The following GABRA4 variants were observed in gnomAD, a reference collection of about 807,000 sequenced individuals.
GABRA4 encodes gamma-aminobutyric acid type A receptor subunit alpha4, also known as gamma-aminobutyric acid receptor subunit alpha-4.
A neutral mutation model predicts 49.7 loss-of-function variants in GABRA4; 12 were observed. The observed-to-expected ratio is 0.24, with a 90% CI of 0.15 to 0.39. The LOEUF (loss-of-function observed/expected upper bound fraction) is 0.39. Among genes scored for constraint, GABRA4 ranks in the 10% least tolerant of loss-of-function variants. The pLI is 1.00. For synonymous variants in GABRA4, 288 were observed against 240.2 expected, an observed-to-expected ratio of 1.20 and a Z score of -1.84; for missense variants, 506 against 686.0, an observed-to-expected ratio of 0.74 and a Z score of 2.93.
rs903061909 is a variant in GABRA4, at chr4:46,921,268, G to A, written c.*6957C>T. 8 of 151,612 alleles carry A rather than the reference G, an allele frequency of 5.3e-5. No individual in the cohort carries two copies. Among genetic ancestry groups the A allele is most frequent in the African/African-American group, 1.9e-4 (8 of 41,340 alleles). 9.4% of individuals were successfully genotyped at this position (151,612 alleles called of 1,614,324 possible). ...TTTATACTTATAATTAAAGGAATAA[G>A]TACTTCACTAATCTACTGATGAATT... On this transcript the variant is annotated 3_prime_UTR_variant, in exon 9 of 9. Transcript: ENST00000264318.
At chr4:46,948,644 C>A (rs978166491) in intron 8 of GABRA4, among the ~76,000 whole-genome samples, 1 of 152,130 alleles carries the variant, frequency 6.6e-6, no homozygotes, top group African/African-American at 2.4e-5. Context: ...TTACCTCAAA[C>A]AACAGCAGGG....
rs903614340 is a variant in GABRA4, at chr4:46,923,757, A to G, written c.*4468T>C. On this transcript the variant is annotated 3_prime_UTR_variant, in exon 9 of 9. Transcript: ENST00000264318. Reference sequence around the variant, plus strand: ...TTAGTTTTCATCGTATTATTCTTCAAGATTTTTAATAAATTGCCACTAATC... The same window carrying G: ...TTAGTTTTCATCGTATTATTCTTCAGGATTTTTAATAAATTGCCACTAATC... 2.6e-5 allele frequency: 4 copies of G among 152,124 alleles called. No homozygotes were observed. The highest frequency in any genetic ancestry group is 5.9e-5 in the Non-Finnish European group (4 of 68,010). The allele number at this position is 152,124 out of a possible 1,614,324, so 9.4% of individuals were successfully genotyped here. A position where few individuals can be genotyped will look rare whatever the true frequency, so the allele number is the denominator to read the frequency against.
intron 8 of GABRA4, among the ~76,000 whole-genome samples, chr4:46,957,429 T>C (rs1455116323): frequency 3.3e-5 from 5 of 151,896 alleles, no homozygotes; most frequent in Non-Finnish European, 2.9e-5. Context: ...AATTGAAAAG[T>C]CTGGGAAGAC....
chr4:46,972,753 G>C (rs1007372554), intron 6 of GABRA4, among the ~76,000 whole-genome samples: 8 of 151,518 alleles, frequency 5.3e-5, no homozygotes, highest in Non-Finnish European at 1.2e-4. Context: ...ATACCTCGCT[G>C]TTTCCTCCTC....
At chr4:46,971,981 T>C (rs916516205) in intron 6 of GABRA4, among the ~76,000 whole-genome samples, 3 of 151,588 alleles carry the variant, frequency 2.0e-5, no homozygotes, top group Non-Finnish European at 3.0e-5. Flanking sequence ...CTGTTACCTC[T>C]GAAAAGAATA....
intron 8 of GABRA4, among the ~76,000 whole-genome samples, chr4:46,944,648 T>C (rs564461471): frequency 3.0e-4 from 46 of 152,216 alleles, no homozygotes; most frequent in African/African-American, 1.0e-3. Context: ...CTCACTGTCT[T>C]CTCTCCTTCA....
At chr4:46,977,687 G>A in intron 3 of GABRA4, 57 bp from the exon 4 acceptor site, 1 of 1,139,682 alleles carries the variant, frequency 8.8e-7, no homozygotes, top group Non-Finnish European at 1.3e-6. Flanking sequence ...ATAAGTATGT[G>A]AAAATAATGC....
At chr4:46,954,861 C>G (rs1722288343) in intron 8 of GABRA4, among the ~76,000 whole-genome samples, 1 of 152,108 alleles carries the variant, frequency 6.6e-6, no homozygotes, top group Non-Finnish European at 1.5e-5. Flanking sequence ...GGGCTCAAAT[C>G]CAAGTCTACC....
intron 3 of GABRA4, among the ~76,000 whole-genome samples, chr4:46,978,687 CAAAA>C (rs71193889): frequency 0.043 from 939 of 21,608 alleles, 6 homozygotes; most frequent in African/African-American, 0.14. Context: ...AACTTCATCT[CAAAA>C]AAAAAAAAAA....
Position 46,941,516 on chromosome 4 carries a change from G to A in GABRA4, c.1135-12761C>T, listed in dbSNP as rs556937728. Among the ~76,000 whole-genome samples, 3 of 152,076 alleles carry A rather than the reference G, an allele frequency of 2.0e-5. No homozygotes were observed. The South Asian group carries it at 6.2e-4, about 32-fold the overall frequency. ...AGTAAATGATCAATATTTGTTAAAT[G>A]TTTTTATTCTATTGTTATCATTTAA... On this transcript the variant is annotated intron_variant, in intron 8 of 8. Transcript: ENST00000264318.
intron 8 of GABRA4, among the ~76,000 whole-genome samples, chr4:46,937,051 G>A (rs1410934076): frequency 1.3e-5 from 2 of 152,194 alleles, no homozygotes; most frequent in East Asian, 3.9e-4. Flanking sequence ...CTATATTGGA[G>A]ACAAGACCTT....
rs918656184 is a variant in GABRA4 at position 46,921,335 on chromosome 4, G to A, written c.*6890C>T. The A allele has an allele frequency of 1.3e-5, 2 of 151,684 alleles. No individual in the cohort carries two copies. The highest frequency in any genetic ancestry group is 4.8e-5 in the African/African-American group (2 of 41,312). The allele number at this position is 151,684 out of a possible 1,614,324, so 9.4% of individuals were successfully genotyped here. The stretch of plus-strand genomic sequence containing the variant: ...TAAACAGTGTAATAAATTAACATTG[G>A]GATAGAAATACACGACTGAAAAGTA... On this transcript the variant is annotated 3_prime_UTR_variant, in exon 9 of 9. Transcript: ENST00000264318.
At chr4:46,981,094 C>T (rs1279769134) in intron 2 of GABRA4, among the ~76,000 whole-genome samples, 1 of 152,038 alleles carries the variant, frequency 6.6e-6, no homozygotes, top group Non-Finnish European at 1.5e-5. Context: ...GCATAAGGTG[C>T]GGCCTCACAA....
intron 2 of GABRA4, among the ~76,000 whole-genome samples, chr4:46,986,009 T>C (rs1423300045): frequency 6.6e-6 from 1 of 152,016 alleles, no homozygotes; most frequent in Non-Finnish European, 1.5e-5. Context: ...TTCTCTTCTA[T>C]ATTATATTTG....
Position 46,965,020 on chromosome 4 carries a change from C to A in GABRA4, c.1084G>T (p.Val362Phe). 6.2e-7 allele frequency: 1 copy of A among 1,611,792 alleles called. No individual in the cohort carries two copies. Among genetic ancestry groups the A allele is most frequent in the Non-Finnish European group, 8.5e-7 (1 of 1,178,688 alleles). ...KRKTSKPPQE[V>F]PAAPVQREKH... ...TCTCTCTGCACTGGAGCAGCGGGAA[C>A]TTCCTGAGGGGGCTTTGATGTCTTC... Residue 362 changes from valine to phenylalanine, a missense_variant, in exon 8 of 9, where the codon GTT becomes TTT. By Grantham distance (50) the Val-to-Phe change is conservative. Coordinates refer to ENST00000264318, the MANE Select transcript of GABRA4 (RefSeq NM_000809.4).
intron 7 of GABRA4, among the ~76,000 whole-genome samples, chr4:46,970,560 T>G (rs1353043238): frequency 6.6e-6 from 1 of 151,294 alleles, no homozygotes; most frequent in Non-Finnish European, 1.5e-5. Flanking sequence ...AACCAATGTT[T>G]AGAAAAAAAA....
rs1721145386 is a variant in GABRA4 at position 46,924,617 on chromosome 4, C to G, written c.*3608G>C. 6.6e-6 allele frequency: 1 copy of G among 151,930 alleles called. No individual in the cohort carries two copies. The highest frequency in any genetic ancestry group is 2.4e-5 in the African/African-American group (1 of 41,402). The allele number at this position is 151,930 out of a possible 1,614,324, so 9.4% of individuals were successfully genotyped here. On this transcript the variant is annotated 3_prime_UTR_variant, in exon 9 of 9. Transcript: ENST00000264318. ...CTGTCTTTAAAGAATACAGTCTTCC[C>G]TGGGGAAGAATATACTTTATCTAAA...
At chr4:46,970,975 T>G in intron 7 of GABRA4, 108 bp downstream of exon 7, 1 of 1,000,194 alleles carries the variant, frequency 1.0e-6, no homozygotes, top group South Asian at 1.7e-5. Context: ...GATTCCTTAT[T>G]CAGGATAGCC....
intron 2 of GABRA4, among the ~76,000 whole-genome samples, chr4:46,982,818 A>T (rs999223184): frequency 2.0e-5 from 3 of 152,088 alleles, no homozygotes; most frequent in African/African-American, 7.2e-5. Flanking sequence ...GGCTCTTCTA[A>T]GAGACTGCCA....
Sources: allele counts gnomAD v4.1 joint callset (sites outside exome capture counted in the v4.1 genomes callset), GRCh38; gene constraint gnomAD v4.1.1; transcripts MANE v1.5; gene names NCBI Gene and HGNC (gene_info 2026-07-23, HGNC 2026-07-21).